PAM: variants seen among roughly 807,000 people sequenced by gnomAD.
PAM encodes peptidylglycine alpha-amidating monooxygenase.
PAM carries 72 observed loss-of-function variants against 122.1 expected under a neutral mutation model. That is an observed-to-expected ratio of 0.59 (90% CI 0.49 to 0.72). The LOEUF (loss-of-function observed/expected upper bound fraction) is 0.72. Among genes scored for constraint, PAM ranks in the 30% least tolerant of loss-of-function variants. The pLI, the probability that PAM is intolerant of heterozygous loss-of-function variation, is 0.00. For synonymous variants in PAM, 389 were observed against 404.4 expected, an observed-to-expected ratio of 0.96 and a Z score of 0.46; for missense variants, 1,106 against 1,183.7, an observed-to-expected ratio of 0.93 and a Z score of 0.96.
chr5:102,897,239 G>T (rs142738846), intron 3 of PAM, among the ~76,000 whole-genome samples: 4 of 151,450 alleles, frequency 2.6e-5, no homozygotes, highest in Admixed American at 6.6e-5. Flanking sequence ...GGACTTTAGG[G>T]TTCCTTACCA....
At chr5:102,820,880 A>G (rs1432243709) in intron 1 of PAM, among the ~76,000 whole-genome samples, 1 of 152,202 alleles carries the variant, frequency 6.6e-6, no homozygotes, top group Admixed American at 6.5e-5. Context: ...AGAACCCTGG[A>G]ATACACTCAT....
intron 1 of PAM, among the ~76,000 whole-genome samples, chr5:102,789,875 TAGAAA>T (rs1761591691): frequency 6.6e-6 from 1 of 152,094 alleles, no homozygotes; most frequent in African/African-American, 2.4e-5. Flanking sequence ...TCCAGTCCTT[TAGAAA>T]AGAAACTAAC....
intron 1 of PAM, among the ~76,000 whole-genome samples, chr5:102,802,763 TTTA>T (rs1360954805): frequency 1.3e-5 from 2 of 152,130 alleles, no homozygotes; most frequent in Non-Finnish European, 2.9e-5. Context: ...TGTAGTTTTG[TTTA>T]TTATTATTAA....
intron 24 of PAM, 110 bp downstream of exon 24, chr5:103,025,444 T>G: frequency 1.1e-6 from 1 of 872,136 alleles, no homozygotes; most frequent in Non-Finnish European, 1.9e-6. Flanking sequence ...GTTTTTTTGT[T>G]TTTAATGCTC....
intron 7 of PAM, among the ~76,000 whole-genome samples, chr5:102,927,820 G>T (rs1292504594): frequency 1.3e-5 from 2 of 150,402 alleles, no homozygotes; most frequent in African/African-American, 4.9e-5. Context: ...ACCTAACTTA[G>T]AAATAAAATT....
chr5:102,909,838 A>G (rs1486835286), intron 4 of PAM, among the ~76,000 whole-genome samples: 1 of 151,914 alleles, frequency 6.6e-6, no homozygotes, highest in Non-Finnish European at 1.5e-5. Context: ...GTTATCCCTA[A>G]TACATACAAG....
chr5:102,987,576 T>A (rs192660273), intron 15 of PAM: 1 of 454,902 alleles, frequency 2.2e-6, no homozygotes, highest in Admixed American at 2.4e-5. Context: ...TTCAAGGTGA[T>A]GTATATTCTA....
intron 1 of PAM, among the ~76,000 whole-genome samples, chr5:102,820,295 A>G (rs1771397249): frequency 6.6e-6 from 1 of 152,176 alleles, no homozygotes; most frequent in Non-Finnish European, 1.5e-5. Context: ...TGAACCATTC[A>G]TGCAAGAGCT....
chr5:102,891,788 G>T (rs1794857787), intron 3 of PAM, among the ~76,000 whole-genome samples: 1 of 151,782 alleles, frequency 6.6e-6, no homozygotes, highest in South Asian at 2.1e-4. Context: ...ATATTTAATT[G>T]ATGATAGATG....
intron 11 of PAM, among the ~76,000 whole-genome samples, chr5:102,950,439 G>GTGTGTGTGTGTGTC (rs1758476345): frequency 1.3e-5 from 2 of 151,646 alleles, no homozygotes; most frequent in African/African-American, 4.8e-5. Flanking sequence ...GTGTGTGTGT[G>GTGTGTGTGTGTGTC]TCTATTTCAC....
chr5:102,860,294 C>G (rs1216764130), intron 1 of PAM, among the ~76,000 whole-genome samples: 1 of 152,026 alleles, frequency 6.6e-6, no homozygotes, highest in Non-Finnish European at 1.5e-5. Context: ...TGTGTGCAGC[C>G]TGGTATAAGG....
intron 1 of PAM, among the ~76,000 whole-genome samples, chr5:102,842,974 A>G (rs149308500): frequency 2.0e-5 from 3 of 152,326 alleles, no homozygotes; most frequent in African/African-American, 7.2e-5. Flanking sequence ...GGAAGAGGAG[A>G]AAAATGTGGT....
chr5:102,860,708 A>G (rs1199855392), intron 1 of PAM, among the ~76,000 whole-genome samples: 3 of 152,036 alleles, frequency 2.0e-5, no homozygotes, highest in African/African-American at 7.3e-5. Context: ...ATAATAAAAT[A>G]ACCGCTTCAC....
At chr5:102,761,626 T>C (rs1402606470) in intron 1 of PAM, among the ~76,000 whole-genome samples, 3 of 152,228 alleles carry the variant, frequency 2.0e-5, no homozygotes, top group African/African-American at 7.2e-5. Flanking sequence ...TGTTTTAAAA[T>C]AGTACTCATT....
intron 1 of PAM, among the ~76,000 whole-genome samples, chr5:102,854,718 C>T (rs1413861558): frequency 6.6e-6 from 1 of 152,108 alleles, no homozygotes; most frequent in African/African-American, 2.4e-5. Flanking sequence ...TAAAATAAAC[C>T]ACTTCTTCCT....
rs1777866300 is a variant in PAM, at chr5:103,003,042, CAGCAAGTTT to C, written c.1624_1632del (p.Ser542_Phe544del). On this transcript the variant is annotated inframe_deletion, in exon 17 of 26. Coordinates refer to ENST00000438793, the MANE Select transcript of PAM (RefSeq NM_001177306.2). Reference sequence around the variant, plus strand: ...AATGCTTTTTGTTTAGCTCGTTTGACAGCAAGTTTGTTTACCAGCAAATAGGACTCGGAC... The same window carrying C: ...AATGCTTTTTGTTTAGCTCGTTTGACGTTTACCAGCAAATAGGACTCGGAC... 1.3e-6 allele frequency: 2 copies of C among 1,552,572 alleles called. No homozygotes were observed.
At chr5:102,955,592 G>A (rs2150150057) in intron 12 of PAM, among the ~76,000 whole-genome samples, 1 of 152,108 alleles carries the variant, frequency 6.6e-6, no homozygotes, top group South Asian at 2.1e-4. Flanking sequence ...TATAAAACAG[G>A]AAGTTATCAC....
intron 20 of PAM, among the ~76,000 whole-genome samples, chr5:103,008,354 A>G (rs1230816355): frequency 6.6e-6 from 1 of 152,102 alleles, no homozygotes; most frequent in East Asian, 1.9e-4. Flanking sequence ...TGATATTTTG[A>G]TGTATGTTTA....
intron 1 of PAM, among the ~76,000 whole-genome samples, chr5:102,764,552 C>T (rs1465991911): frequency 6.6e-6 from 1 of 152,068 alleles, no homozygotes; most frequent in African/African-American, 2.4e-5. Flanking sequence ...CCAAGGAATA[C>T]CAAGAAGGCC....
Sources: gnomAD v4.1 joint callset for allele counts (sites outside exome capture counted in the v4.1 genomes callset) on GRCh38, gnomAD v4.1.1 for gene constraint, MANE v1.5 for transcripts, NCBI Gene and HGNC (gene_info 2026-07-23, HGNC 2026-07-21) for gene names.